GEMIN5: variants seen among roughly 807,000 people sequenced by gnomAD.
GEMIN5 encodes gem-associated protein 5.
GEMIN5 carries 124 observed loss-of-function variants against 176.9 expected under a neutral mutation model. The observed-to-expected ratio is 0.70, with a 90% CI of 0.61 to 0.81. The LOEUF (loss-of-function observed/expected upper bound fraction) is 0.81, where lower values mean the gene tolerates loss of function less well. Among genes scored for constraint, GEMIN5 ranks in the 40% least tolerant of loss-of-function variants. GEMIN5 has a pLI of 0.00. For synonymous variants in GEMIN5, 673 were observed against 665.2 expected, an observed-to-expected ratio of 1.01 and a Z score of -0.18; for missense variants, 1,843 against 1,814.6, an observed-to-expected ratio of 1.02 and a Z score of -0.28.
rs779830700 is a variant in GEMIN5 at position 154,891,246 on chromosome 5, G to A, written c.4257C>T (p.Ser1419=). 3.7e-6 allele frequency: 6 copies of A among 1,612,560 alleles called. No individual in the cohort carries two copies. The highest frequency in any genetic ancestry group is 5.1e-6 in the Non-Finnish European group (6 of 1,179,014). Residue 1419 remains serine, a synonymous_variant, in exon 26 of 28, where the codon AGC becomes AGT. Coordinates refer to ENST00000285873, the MANE Select transcript of GEMIN5 (RefSeq NM_015465.5). ...GTACTTGCCTCAGTACTTACCACTGGCTCTGAGAACTGCAGAGGGGCTGCT... is the reference window on the plus strand; with the variant it reads ...GTACTTGCCTCAGTACTTACCACTGACTCTGAGAACTGCAGAGGGGCTGCT... ...EAEQPLCSSQ[S]QCKEEKNEPL...
Position 154,919,972 on chromosome 5 carries a change from T to C in GEMIN5, c.1594A>G (p.Ile532Val), listed in dbSNP as rs751380379. 2 of 1,613,230 alleles carry C rather than the reference T, an allele frequency of 1.2e-6. No individual in the cohort carries two copies. The highest frequency in any genetic ancestry group is 1.7e-6 in the Non-Finnish European group (2 of 1,179,580). The change falls in exon 11 of 28, where the codon ATC becomes GTC. Residue 532 changes from isoleucine (I) to valine (V), a missense_variant. Physicochemically the swap from Ile to Val is conservative, Grantham distance 29. Coordinates refer to ENST00000285873, the MANE Select transcript of GEMIN5 (RefSeq NM_015465.5). ...INKLIRDTNS[I>V]KYKLPVHTEI... ...TCAGGACCACAAGAACTCACTTTGA[T>C]TGAATTGGTGTCCCTGATGAGTTTG...
At chr5:154,889,276 A>G (rs1178030946) in intron 27 of GEMIN5, 45 bp downstream of exon 27, 1 of 987,824 alleles carries the variant, frequency 1.0e-6, no homozygotes, top group Non-Finnish European at 1.6e-6. Flanking sequence ...TCAAGTGATA[A>G]CACAAAAAGT....
chr5:154,909,785 C>T (rs1355000885), intron 15 of GEMIN5, among the ~76,000 whole-genome samples: 1 of 152,076 alleles, frequency 6.6e-6, no homozygotes, highest in Non-Finnish European at 1.5e-5. Flanking sequence ...TCAATACCAG[C>T]CTAGCCAACA....
In GEMIN5 at chr5:154,896,197, C is replaced by A. The variant is rs773862668; in HGVS notation, c.3492G>T (p.Trp1164Cys). The change falls in exon 24 of 28, where the codon TGG (tryptophan) becomes TGT (cysteine). Residue 1164 changes from tryptophan (W) to cysteine (C), a missense_variant. Physicochemically the swap from Trp to Cys is radical, Grantham distance 215. Coordinates refer to ENST00000285873, the MANE Select transcript of GEMIN5 (RefSeq NM_015465.5). ...GGGTGTCAAGGCTGAAGATGCTCTT[C>A]CACACTGCAGTCACCCTCTCCACGA... is the stretch of plus-strand genomic sequence containing the variant. ...GPFVERVTAV[W>C]KSIFSLDTPE... 6.2e-7 allele frequency: 1 copy of A among 1,614,004 alleles called. No homozygotes were observed. Among genetic ancestry groups the A allele is most frequent in the South Asian group, 1.1e-5 (1 of 91,038 alleles).
In GEMIN5 at chr5:154,931,983, C is replaced by T. The variant is rs538073747; in HGVS notation, c.661+116G>A. 16 of 838,690 alleles carry T rather than the reference C, an allele frequency of 1.9e-5. No individual in the cohort carries two copies. The South Asian group carries it at 2.5e-4, about 13-fold the overall frequency. The allele number at this position is 838,690 out of a possible 1,614,324, so 52.0% of individuals were successfully genotyped here. On this transcript the variant is annotated intron_variant, in intron 4 of 27. Coordinates refer to ENST00000285873, the MANE Select transcript of GEMIN5 (RefSeq NM_015465.5). The stretch of plus-strand genomic sequence containing the variant: ...AGCCGAGATCACGCTCCAGCCTAGG[C>T]AACAAAAGCAAAACTCCGTCTCCAA...
At position 154,927,535 on chromosome 5, in the gene GEMIN5, T is replaced by C. The variant is rs541639984; in HGVS notation, c.930A>G (p.Gln310=). 2.9e-5 allele frequency: 46 copies of C among 1,604,460 alleles called. No individual in the cohort carries two copies. The highest frequency in any genetic ancestry group is 5.0e-5 in the Admixed American group (3 of 59,832). Residue 310 remains glutamine, a synonymous_variant, in exon 7 of 28, where the codon CAA becomes CAG. Transcript: ENST00000285873. ...VSSCFGGELL[Q]WDLTQSWRRK... is the part of the protein sequence containing the mutation. ...GTCTCCAAGATTGAGTGAGATCCCA[T>C]TGCAACAGTTCACCTCTGTGAAGGA... is the stretch of plus-strand genomic sequence containing the variant.
At chr5:154,904,279 A>G (rs1442013505) in intron 18 of GEMIN5, among the ~76,000 whole-genome samples, 2 of 152,238 alleles carry the variant, frequency 1.3e-5, no homozygotes, top group Admixed American at 6.5e-5. Context: ...ATAAAAGCAG[A>G]GCGCTACATT....
At chr5:154,919,775 T>C (rs1480563274) in intron 11 of GEMIN5, among the ~76,000 whole-genome samples, 192 bp downstream of exon 11, 5 of 152,224 alleles carry the variant, frequency 3.3e-5, no homozygotes, top group Non-Finnish European at 7.3e-5. Flanking sequence ...AGTACCTCTT[T>C]GTTTTATTCG....
intron 9 of GEMIN5, 68 bp from the exon 10 acceptor site, chr5:154,921,493 T>A (rs952523217): frequency 4.1e-6 from 3 of 734,820 alleles, no homozygotes; most frequent in Non-Finnish European, 7.1e-6. Context: ...AAACAGACCA[T>A]CTTTTTCTAA....
At chr5:154,888,889 G>A (rs1763163903) in intron 27 of GEMIN5, among the ~76,000 whole-genome samples, 3 of 150,476 alleles carry the variant, frequency 2.0e-5, no homozygotes, top group Admixed American at 6.6e-5. Context: ...ACAGAGTCTC[G>A]CTCTGTTGCC....
At chr5:154,918,646 G>A (rs1266296246) in intron 11 of GEMIN5, among the ~76,000 whole-genome samples, 9 of 152,210 alleles carry the variant, frequency 5.9e-5, no homozygotes, top group Non-Finnish European at 1.0e-4. Flanking sequence ...TTAATGTTTA[G>A]ATAAAATTAA....
intron 13 of GEMIN5, among the ~76,000 whole-genome samples, chr5:154,913,422 T>C (rs1458147517): frequency 6.6e-6 from 1 of 152,212 alleles, no homozygotes; most frequent in Non-Finnish European, 1.5e-5. Context: ...CTAGCTAAAA[T>C]GTATAATTTG....
intron 5 of GEMIN5, among the ~76,000 whole-genome samples, chr5:154,929,100 T>C (rs1764105881): frequency 6.6e-6 from 1 of 152,120 alleles, no homozygotes; most frequent in Non-Finnish European, 1.5e-5. Context: ...GGCAGGCACC[T>C]GTAGTCCCAG....
chr5:154,926,771 C>T (rs1424982725), intron 7 of GEMIN5, among the ~76,000 whole-genome samples: 1 of 152,164 alleles, frequency 6.6e-6, no homozygotes, highest in Non-Finnish European at 1.5e-5. Flanking sequence ...CTAGGCCAGG[C>T]GCCGTGGCTC....
Position 154,888,359 on chromosome 5 carries a change from C to T in GEMIN5, c.4378G>A (p.Val1460Met), listed in dbSNP as rs1561705504. 9 of 1,613,942 alleles carry T rather than the reference C, an allele frequency of 5.6e-6. No homozygotes were observed. Among genetic ancestry groups the T allele is most frequent in the South Asian group, 1.1e-5 (1 of 91,060 alleles). Residue 1460 changes from valine (V) to methionine (M), a missense_variant, in exon 28 of 28, where the codon GTG (valine) becomes ATG (methionine). Val to Met is a conservative substitution (Grantham distance 21). Transcript: ENST00000285873. ...ESIKAWPFPDVLECCLVLLLI... is the reference protein window; with the variant it reads ...ESIKAWPFPDMLECCLVLLLI... ...AGCAGGACGAGGCAGCACTCCAGCACATCTGGGAAGGGCCAGGCCTGAAAG... is the reference window on the plus strand; with the variant it reads ...AGCAGGACGAGGCAGCACTCCAGCATATCTGGGAAGGGCCAGGCCTGAAAG...
At chr5:154,932,592 C>G (rs1357291453) in intron 3 of GEMIN5, among the ~76,000 whole-genome samples, 1 of 151,992 alleles carries the variant, frequency 6.6e-6, no homozygotes, top group East Asian at 1.9e-4. Context: ...TTCTTTTTTC[C>G]TTCTCTGTTG....
chr5:154,893,176 G>A (rs1006327290), intron 24 of GEMIN5, among the ~76,000 whole-genome samples: 3 of 151,398 alleles, frequency 2.0e-5, no homozygotes, highest in Non-Finnish European at 4.4e-5. Context: ...ATAAAGGCTG[G>A]GTGCAGTTGC....
chr5:154,938,028 C>A lies in GEMIN5; in HGVS notation c.106G>T (p.Val36Phe). 2 of 1,556,920 alleles carry A rather than the reference C, an allele frequency of 1.3e-6. No homozygotes were observed. The highest frequency in any genetic ancestry group is 2.6e-5 in the East Asian group (1 of 38,926). ...GLFGFAARTSVFLVRVGPGAG... is the reference protein window; with the variant it reads ...GLFGFAARTSFFLVRVGPGAG... ...CCCGGGCCCACGCGGACAAGGAAGA[C>A]GGAGGTCCGCGCGGCGAAGCCAAAG... The change falls in exon 1 of 28, where the codon GTC becomes TTC. Residue 36 changes from valine to phenylalanine, a missense_variant. Val to Phe is a conservative substitution (Grantham distance 50). Coordinates refer to ENST00000285873, the MANE Select transcript of GEMIN5 (RefSeq NM_015465.5).
chr5:154,924,452 A>T lies in GEMIN5; in HGVS notation c.1379+17T>A. ...GCTCCCCGGGCCACAATGGAAGAAG[A>T]ATCACCCATTTCTTACTTGTTGGAG... On this transcript the variant is annotated intron_variant, in intron 9 of 27. Transcript: ENST00000285873. 1 of 1,528,382 alleles carries T rather than the reference A, an allele frequency of 6.5e-7. No homozygotes were observed. The highest frequency in any genetic ancestry group is 9.1e-7 in the Non-Finnish European group (1 of 1,103,548). 94.7% of individuals were successfully genotyped at this position (1,528,382 alleles called of 1,614,324 possible). A position where few individuals can be genotyped will look rare whatever the true frequency, so the allele number is the denominator to read the frequency against.
Sources: allele counts gnomAD v4.1 joint callset (sites outside exome capture counted in the v4.1 genomes callset), GRCh38; gene constraint gnomAD v4.1.1; transcripts MANE v1.5; gene names NCBI Gene and HGNC (gene_info 2026-07-23, HGNC 2026-07-21).